WHRN: variants seen among roughly 807,000 people sequenced by gnomAD.
WHRN encodes the protein CASK-interacting protein CIP98.
In WHRN, 41 loss-of-function variants were observed where a neutral mutation model predicts 68.3. That is an observed-to-expected ratio of 0.60 (90% CI 0.47 to 0.78). The LOEUF (loss-of-function observed/expected upper bound fraction) is 0.78. Ranked by LOEUF, WHRN falls within the 30% of genes least tolerant of loss-of-function variation. The pLI, the probability that WHRN is intolerant of heterozygous loss-of-function variation, is 0.00. For synonymous variants in WHRN, 560 were observed against 561.3 expected (o/e 1.00, Z 0.03); for missense variants, 1,243 against 1,244.7 (o/e 1.00, Z 0.02).
intron 3 of WHRN, among the ~76,000 whole-genome samples, chr9:114,438,268 T>A (rs1350270505): frequency 6.6e-6 from 1 of 151,716 alleles, no homozygotes; most frequent in Non-Finnish European, 1.5e-5. Context: ...AGATCCTGTC[T>A]CAAAAAAGAG....
In WHRN at chr9:114,407,938, G is replaced by C. The variant is rs750307966; in HGVS notation, c.1698+9C>G. 2 of 1,596,418 alleles carry C rather than the reference G, an allele frequency of 1.3e-6. No individual in the cohort carries two copies. Among genetic ancestry groups the C allele is most frequent in the Admixed American group, 1.7e-5 (1 of 58,204 alleles). On this transcript the variant is annotated intron_variant, in intron 8 of 11. Coordinates refer to ENST00000362057, the MANE Select transcript of WHRN (RefSeq NM_015404.4). ...GAGAGCAGAACCAAAGGGCCAGCCA[G>C]GGCCTTACCACGGACACATCTGGGA... is the stretch of plus-strand genomic sequence containing the variant.
At chr9:114,476,758 C>T (rs753334951) in intron 2 of WHRN, among the ~76,000 whole-genome samples, 10 of 152,076 alleles carry the variant, frequency 6.6e-5, no homozygotes, top group Non-Finnish European at 1.2e-4. Context: ...GTGGTTGCCA[C>T]AGCGCTGAGC....
Position 114,466,306 on chromosome 9 carries a change from G to A in WHRN, c.924C>T (p.Gly308=), listed in dbSNP as rs527456102. ...CTTCTGCTTCAGAGCCTGGGTCCACGCCAGTGATGTAAATGCCAAGGCCGT... is the reference window on the plus strand; with the variant it reads ...CTTCTGCTTCAGAGCCTGGGTCCACACCAGTGATGTAAATGCCAAGGCCGT... ...AEYGLGIYIT[G]VDPGSEAEGS... Residue 308 remains glycine (G), a synonymous_variant, in exon 3 of 12, where the codon GGC becomes GGT. Coordinates refer to ENST00000362057, the MANE Select transcript of WHRN (RefSeq NM_015404.4). The A allele has an allele frequency of 4.2e-5, 67 of 1,614,032 alleles. No individual in the cohort carries two copies. The highest frequency in any genetic ancestry group is 5.3e-5 in the Non-Finnish European group (63 of 1,180,032).
intron 4 of WHRN, chr9:114,425,302 G>A (rs1836725409): frequency 1.6e-6 from 1 of 622,532 alleles, no homozygotes; most frequent in Non-Finnish European, 2.9e-6. Context: ...GGACCAGGCA[G>A]GTAACACAAG....
intron 9 of WHRN, among the ~76,000 whole-genome samples, chr9:114,404,835 A>G (rs555266857): frequency 6.6e-6 from 1 of 152,228 alleles, no homozygotes; most frequent in East Asian, 1.9e-4. Flanking sequence ...CAGTCCAGGG[A>G]ATAGACTTGT....
Position 114,406,335 on chromosome 9 carries a change from C to T in WHRN, c.2236+20G>A. 6 of 1,613,810 alleles carry T rather than the reference C, an allele frequency of 3.7e-6. No homozygotes were observed. The highest frequency in any genetic ancestry group is 5.1e-6 in the Non-Finnish European group (6 of 1,179,992). ...ACAGGGACCCCCAAGGACCACAGAG[C>T]CTGGCCTTGCTGTACTCACTGCGCG... On this transcript the variant is annotated intron_variant, in intron 9 of 11. Coordinates refer to ENST00000362057, the MANE Select transcript of WHRN (RefSeq NM_015404.4).
At chr9:114,406,100 C>T (rs976475443) in intron 9 of WHRN, among the ~76,000 whole-genome samples, 2 of 152,232 alleles carry the variant, frequency 1.3e-5, no homozygotes, top group African/African-American at 4.8e-5. Flanking sequence ...CTCGCAGCAA[C>T]CTGGCAGGAC....
intron 3 of WHRN, among the ~76,000 whole-genome samples, chr9:114,439,774 T>G (rs554066161): frequency 2.0e-5 from 3 of 152,162 alleles, no homozygotes; most frequent in Non-Finnish European, 4.4e-5. Flanking sequence ...TTTTGGAGAT[T>G]TGTGACAATT....
At chr9:114,477,653 A>G (rs541244941) in intron 2 of WHRN, among the ~76,000 whole-genome samples, 1 of 152,144 alleles carries the variant, frequency 6.6e-6, no homozygotes, top group Non-Finnish European at 1.5e-5. Flanking sequence ...GGGAATCTTC[A>G]GGGGAAGGAC....
intron 2 of WHRN, among the ~76,000 whole-genome samples, chr9:114,470,991 C>T (rs1359491802): frequency 1.3e-5 from 2 of 152,096 alleles, no homozygotes; most frequent in Non-Finnish European, 2.9e-5. Flanking sequence ...CCCCACCTCC[C>T]CGCCACCTCC....
chr9:114,456,347 A>T (rs983513708), intron 3 of WHRN, among the ~76,000 whole-genome samples: 6 of 152,176 alleles, frequency 3.9e-5, no homozygotes, highest in African/African-American at 1.4e-4. Context: ...GCAGACTGAG[A>T]TGAATGAAGA....
Position 114,466,362 on chromosome 9 carries a change from G to A in WHRN, c.868C>T (p.Leu290=). ...VNLVLGDGRS[L]GLTIRGGAEY... is the part of the protein sequence containing the mutation. ...GCTCCCCCACGGATCGTGAGGCCCA[G>A]GGACCGGCCGTCCCCCAGCACCAGG... Residue 290 remains leucine (L), a synonymous_variant, in exon 3 of 12, where the codon CTG becomes TTG. Transcript: ENST00000362057. 6.2e-7 allele frequency: 1 copy of A among 1,614,072 alleles called. No homozygotes were observed. Among genetic ancestry groups the A allele is most frequent in the Non-Finnish European group, 8.5e-7 (1 of 1,180,026 alleles).
intron 1 of WHRN, chr9:114,502,987 G>C (rs972621704): frequency 3.4e-6 from 1 of 293,928 alleles, no homozygotes; most frequent in African/African-American, 2.3e-5. Context: ...CCTTTTTCCA[G>C]AAGCTACAAA....
At chr9:114,405,248 C>A (rs60557365) in intron 9 of WHRN, among the ~76,000 whole-genome samples, 174 of 151,936 alleles carry the variant, frequency 1.1e-3, no homozygotes, top group African/African-American at 3.9e-3. Flanking sequence ...ATTATCGTAT[C>A]TTTAGTAGAA....
At position 114,407,993 on chromosome 9, in the gene WHRN, C is replaced by T. The variant is rs144655082; in HGVS notation, c.1652G>A (p.Gly551Asp). ...GTTGATATTGCCCTGGACAGCCTCGCCAGTTTCCTCCAGGTCCAGAGTGTT... is the reference window on the plus strand; with the variant it reads ...GTTGATATTGCCCTGGACAGCCTCGTCAGTTTCCTCCAGGTCCAGAGTGTT... Reference protein sequence around the residue: ...ARNTLDLEETGEAVQGNINAL... With the variant: ...ARNTLDLEETDEAVQGNINAL... Residue 551 changes from glycine (G) to aspartate (D), a missense_variant, in exon 8 of 12, where the codon GGC becomes GAC. Coordinates refer to ENST00000362057, the MANE Select transcript of WHRN (RefSeq NM_015404.4). 7 of 1,603,552 alleles carry T rather than the reference C, an allele frequency of 4.4e-6. No individual in the cohort carries two copies. Among genetic ancestry groups the T allele is most frequent in the Non-Finnish European group, 6.0e-6 (7 of 1,174,400 alleles).
intron 1 of WHRN, among the ~76,000 whole-genome samples, chr9:114,488,722 T>C (rs942258957): frequency 1.3e-5 from 2 of 152,144 alleles, no homozygotes; most frequent in Admixed American, 6.5e-5. Flanking sequence ...TCTGCCCCAG[T>C]AGCTTATTTT....
chr9:114,409,943 C>T (rs956967605), intron 7 of WHRN, among the ~76,000 whole-genome samples: 4 of 152,050 alleles, frequency 2.6e-5, no homozygotes, highest in African/African-American at 9.7e-5. Flanking sequence ...CCCCCAAGGG[C>T]CTCTTCATCT....
chr9:114,410,659 T>C (rs992678230), intron 7 of WHRN, among the ~76,000 whole-genome samples: 1 of 152,208 alleles, frequency 6.6e-6, no homozygotes, highest in Non-Finnish European at 1.5e-5. Flanking sequence ...GAGCTCCTCA[T>C]CTGGTCCCAT....
chr9:114,478,156 T>G (rs1320937169), intron 2 of WHRN, among the ~76,000 whole-genome samples: 1 of 150,846 alleles, frequency 6.6e-6, no homozygotes, highest in Admixed American at 6.6e-5. Flanking sequence ...GGCATGGTGG[T>G]GCACGCCTGT....
Sources: gnomAD v4.1 joint callset for allele counts (sites outside exome capture counted in the v4.1 genomes callset) on GRCh38, gnomAD v4.1.1 for gene constraint, MANE v1.5 for transcripts, NCBI Gene and HGNC (gene_info 2026-07-23, HGNC 2026-07-21) for gene names.